Variants in NSD3 observed in about 807,000 individuals in gnomAD.
The protein encoded by NSD3 is histone-lysine N-methyltransferase NSD3.
NSD3 carries 24 observed loss-of-function variants against 160.8 expected under a neutral mutation model. That is an observed-to-expected ratio of 0.15 (90% CI 0.11 to 0.21). NSD3 has a LOEUF of 0.21. NSD3 is among the 10% of genes least tolerant of loss of function. The pLI is 1.00. For synonymous variants in NSD3, 520 were observed against 600.0 expected, an observed-to-expected ratio of 0.87 and a Z score of 1.95; for missense variants, 1,157 against 1,735.9, an observed-to-expected ratio of 0.67 and a Z score of 5.93.
rs759429672 is a variant in NSD3 at position 38,337,402 on chromosome 8, G to A, written c.813C>T (p.Gly271=). ...TTCCCACCTTGGACCACACAAGATC[G>A]CCAACCTGAAACTTAACACCAGTGG... ...EVSTGVKFQV[G]DLVWSKVGTY... is the part of the protein sequence containing the mutation. Residue 271 remains glycine, a synonymous_variant, in exon 4 of 24, where the codon GGC becomes GGT. Coordinates refer to ENST00000317025, the MANE Select transcript of NSD3 (RefSeq NM_023034.2). The A allele has an allele frequency of 1.9e-6, 3 of 1,612,344 alleles. No homozygotes were observed. Among genetic ancestry groups the A allele is most frequent in the Admixed American group, 1.7e-5 (1 of 59,678 alleles).
At chr8:38,344,129 T>C (rs528197178) in intron 2 of NSD3, among the ~76,000 whole-genome samples, 7 of 152,336 alleles carry the variant, frequency 4.6e-5, no homozygotes, top group Non-Finnish European at 8.8e-5. Flanking sequence ...TGGACACATT[T>C]TCATTGCTGA....
chr8:38,362,253 AGGC>A (rs1264601419), intron 1 of NSD3, among the ~76,000 whole-genome samples: 2 of 552 alleles, frequency 3.6e-3, no homozygotes, highest in African/African-American at 0.016. Context: ...TATTACAGTA[AGGC>A]GGGGGGGGGG....
At chr8:38,360,768 T>C (rs541228450) in intron 1 of NSD3, among the ~76,000 whole-genome samples, 1 of 152,286 alleles carries the variant, frequency 6.6e-6, no homozygotes, top group African/African-American at 2.4e-5. Flanking sequence ...AAAAAAAATT[T>C]GGGAAAAATA....
chr8:38,307,825 T>C (rs1462344166), intron 12 of NSD3, among the ~76,000 whole-genome samples: 1 of 152,190 alleles, frequency 6.6e-6, no homozygotes, highest in Admixed American at 6.5e-5. Flanking sequence ...AGAACAGTAA[T>C]TATAATATTT....
In NSD3 at chr8:38,347,623, A is replaced by G; in HGVS notation, c.549T>C (p.Ser183=). ...TTTCATGCTTTGATTTCGTGTGCTC[A>G]CTTGCCTGTACTTCATTTAAAAGGT... ...CGDLLNEVQA[S]EHTKSKHESR... The change falls in exon 2 of 24, where the codon AGT becomes AGC. Residue 183 remains serine, a synonymous_variant. Transcript: ENST00000317025. The G allele has an allele frequency of 1.9e-6, 3 of 1,613,716 alleles. No homozygotes were observed. Among genetic ancestry groups the G allele is most frequent in the Non-Finnish European group, 2.5e-6 (3 of 1,180,014 alleles).
In NSD3 at chr8:38,289,521, T is replaced by C. The variant is rs763819153; in HGVS notation, c.3119-16A>G. 1.9e-6 allele frequency: 3 copies of C among 1,606,900 alleles called. No homozygotes were observed. The highest frequency in any genetic ancestry group is 1.7e-5 in the Admixed American group (1 of 58,440). On this transcript the variant is annotated splice_polypyrimidine_tract_variant and intron_variant, in intron 17 of 23. Coordinates refer to ENST00000317025, the MANE Select transcript of NSD3 (RefSeq NM_023034.2). ...TCTTCCAGTGCTGCCAATAAGATGA[T>C]ACAAAGTATGTAAATACCAAAAACC...
intron 4 of NSD3, 114 bp downstream of exon 4, chr8:38,337,189 GCA>G (rs1810242237): frequency 1.1e-6 from 1 of 932,240 alleles, no homozygotes; most frequent in Admixed American, 4.2e-5. Context: ...ATACGGATAT[GCA>G]CATTTTTGTA....
chr8:38,304,628 G>C lies in NSD3; in HGVS notation c.2570C>G (p.Ser857Cys). ...CSNHSKRSSN[S>C]SAVNVGFCFV... Reference sequence around the variant, plus strand: ...ACAAAAGCCTACATTTACAGCAGAAGAATTACTGCTCCGTTTGGAATGATT... The same window carrying C: ...ACAAAAGCCTACATTTACAGCAGAACAATTACTGCTCCGTTTGGAATGATT... The change falls in exon 14 of 24, where the codon TCT becomes TGT. Residue 857 changes from serine (S) to cysteine (C), a missense_variant. Around this residue, in one of 10 missense-constraint regions of NSD3, gnomAD observed 437 missense variants for 576.6 expected, o/e 0.76. Coordinates refer to ENST00000317025, the MANE Select transcript of NSD3 (RefSeq NM_023034.2). The C allele has an allele frequency of 6.2e-7, 1 of 1,613,432 alleles. No individual in the cohort carries two copies. Among genetic ancestry groups the C allele is most frequent in the South Asian group, 1.1e-5 (1 of 90,916 alleles).
At chr8:38,361,552 G>C (rs899055169) in intron 1 of NSD3, among the ~76,000 whole-genome samples, 3 of 150,496 alleles carry the variant, frequency 2.0e-5, no homozygotes, top group Admixed American at 2.0e-4. Flanking sequence ...TCAGGAGATC[G>C]AGACCATCCT....
intron 1 of NSD3, among the ~76,000 whole-genome samples, chr8:38,372,446 T>C (rs1811269354): frequency 6.6e-6 from 1 of 151,988 alleles, no homozygotes; most frequent in South Asian, 2.1e-4. Flanking sequence ...AAACTGGTTA[T>C]TCAGTTTTTA....
At chr8:38,292,035 T>C in intron 16 of NSD3, among the ~76,000 whole-genome samples, 1 of 152,214 alleles carries the variant, frequency 6.6e-6, no homozygotes, top group East Asian at 1.9e-4. Context: ...ATAATTAAAA[T>C]TTAAGTGTTA....
At chr8:38,276,958 T>C (rs968725900) in intron 22 of NSD3, among the ~76,000 whole-genome samples, 1 of 152,078 alleles carries the variant, frequency 6.6e-6, no homozygotes. Flanking sequence ...TTGACTTTTT[T>C]TGGAGACTGA....
intron 2 of NSD3, 116 bp from the exon 3 acceptor site, chr8:38,338,723 A>C: frequency 6.3e-6 from 5 of 796,310 alleles, no homozygotes; most frequent in Non-Finnish European, 1.1e-5. Flanking sequence ...AATAAAGGGC[A>C]TTTATTAACT....
intron 1 of NSD3, among the ~76,000 whole-genome samples, chr8:38,349,647 T>G (rs1810623114): frequency 7.3e-6 from 1 of 137,802 alleles, no homozygotes; most frequent in East Asian, 2.1e-4. Flanking sequence ...ACTTATTTTT[T>G]TATTGTAATT....
intron 4 of NSD3, 82 bp from the exon 5 acceptor site, chr8:38,331,667 T>G (rs1389895326): frequency 4.9e-6 from 7 of 1,432,098 alleles, no homozygotes; most frequent in Non-Finnish European, 5.7e-6. Context: ...CTAACCCAGG[T>G]TCCTCAGTAT....
At chr8:38,293,677 C>T (rs1452029879) in intron 16 of NSD3, among the ~76,000 whole-genome samples, 1 of 151,726 alleles carries the variant, frequency 6.6e-6, no homozygotes, top group Non-Finnish European at 1.5e-5. Flanking sequence ...AATCCCAGCA[C>T]TTTGGGAGGC....
intron 21 of NSD3, 148 bp downstream of exon 21, chr8:38,279,389 TCTC>T: frequency 1.0e-6 from 1 of 954,014 alleles, no homozygotes; most frequent in African/African-American, 1.6e-5. Flanking sequence ...TAAATATAAC[TCTC>T]CTTTTATTTG....
Position 38,318,901 on chromosome 8 carries a change from G to A in NSD3, c.1849C>T (p.Gln617Ter). ...CATTATAATATTAACTCACCTTTCT[G>A]TAATCCAGTCTTCACTGTAGCCTGA... ...VPQATVKTGLQKGASEISDSC... is the reference protein window; with the variant it reads ...VPQATVKTGL Residue 617 changes from glutamine (Q) to a stop codon, truncating the protein, a stop_gained, in exon 9 of 24, where the codon CAG (glutamine) becomes TAG (stop). Coordinates refer to ENST00000317025, the MANE Select transcript of NSD3 (RefSeq NM_023034.2). LOFTEE classifies it high-confidence loss of function. This position sits in a 1 kb window ranked among gnomAD's most constrained non-coding sequence, Gnocchi z 5.3. The A allele has an allele frequency of 6.2e-7, 1 of 1,610,904 alleles. No homozygotes were observed. Among genetic ancestry groups the A allele is most frequent in the Non-Finnish European group, 8.5e-7 (1 of 1,179,004 alleles).
intron 4 of NSD3, among the ~76,000 whole-genome samples, chr8:38,333,695 G>A (rs1464512374): frequency 6.6e-6 from 1 of 151,564 alleles, no homozygotes; most frequent in Non-Finnish European, 1.5e-5. Context: ...GTGAAACCCC[G>A]TCTCTACTAA....
Sources: allele counts gnomAD v4.1 joint callset (sites outside exome capture counted in the v4.1 genomes callset), GRCh38; gene constraint gnomAD v4.1.1; regional missense constraint gnomAD v4.1.1; non-coding constraint Gnocchi (gnomAD v3.1); transcripts MANE v1.5; gene names NCBI Gene and HGNC (gene_info 2026-07-23, HGNC 2026-07-21).